Variants in ZNF385B observed in about 807,000 individuals in gnomAD.
ZNF385B encodes the protein zinc finger protein 533.
In ZNF385B, 23 loss-of-function variants were observed where a neutral mutation model predicts 39.2. The observed-to-expected ratio is 0.59, with a 90% CI of 0.42 to 0.83. ZNF385B has a LOEUF of 0.83. Among genes scored for constraint, ZNF385B ranks in the 40% least tolerant of loss-of-function variants. The probability of loss-of-function intolerance (pLI) is 0.00; values close to 1 mark genes in which losing one functional copy is unlikely to be tolerated. For missense variants in ZNF385B, 552 were observed against 598.9 expected (o/e 0.92, Z 0.82); for synonymous variants, 205 against 222.6 (o/e 0.92, Z 0.70).
intron 3 of ZNF385B, among the ~76,000 whole-genome samples, chr2:179,569,051 A>G (rs535500413): frequency 6.6e-6 from 1 of 152,254 alleles, no homozygotes; most frequent in African/African-American, 2.4e-5. Flanking sequence ...AATTCACCCA[A>G]TTTTCAAATT....
At chr2:179,614,271 G>A (rs755594231) in intron 3 of ZNF385B, among the ~76,000 whole-genome samples, 8 of 151,904 alleles carry the variant, frequency 5.3e-5, no homozygotes, top group Non-Finnish European at 5.9e-5. Context: ...AGCAACTGAC[G>A]AGGGCTTCTA....
intron 3 of ZNF385B, among the ~76,000 whole-genome samples, chr2:179,560,320 ATTTGT>A (rs1284292404): frequency 3.9e-5 from 6 of 152,172 alleles, no homozygotes; most frequent in Admixed American, 2.6e-4. Flanking sequence ...CTTTTAAAAC[ATTTGT>A]TTTAACTATT....
chr2:179,664,374 T>C (rs1224634603), intron 3 of ZNF385B, among the ~76,000 whole-genome samples: 1 of 152,168 alleles, frequency 6.6e-6, no homozygotes, highest in African/African-American at 2.4e-5. Flanking sequence ...GGTGAAATTA[T>C]GCTTAACTGA....
At chr2:179,735,697 C>A (rs1262871789) in intron 3 of ZNF385B, among the ~76,000 whole-genome samples, 3 of 148,164 alleles carry the variant, frequency 2.0e-5, no homozygotes, top group Non-Finnish European at 4.5e-5. Flanking sequence ...GAATACTATG[C>A]AGCCATAAAA....
At position 179,493,773 on chromosome 2, in the gene ZNF385B, A is replaced by ATACATATATGTATACATATG. The variant is rs1553572737; in HGVS notation, c.553-10340_553-10339insCATATGTATACATATATGTA. Among the ~76,000 whole-genome samples the ATACATATATGTATACATATG allele has an allele frequency of 4.1e-5, 3 of 73,940 alleles. No individual in the cohort carries two copies. The East Asian group carries it at 1.0e-3, about 26-fold the overall frequency. 48.5% of individuals were successfully genotyped at this position (73,940 alleles called of 152,430 possible). A position where few individuals can be genotyped will look rare whatever the true frequency, so the allele number is the denominator to read the frequency against. ...TGTATATACATATATGTATACATAT[A>ATACATATATGTATACATATG]TGTATATACACATATGTATACATAT... On this transcript the variant is annotated intron_variant, in intron 5 of 9. Transcript: ENST00000410066.
chr2:179,805,081 T>C (rs7588035), intron 1 of ZNF385B, among the ~76,000 whole-genome samples: 52,948 of 152,032 alleles, frequency 0.35, 9,591 homozygotes, highest in Non-Finnish European at 0.38. Context: ...GTGAAAGTGA[T>C]ATCCTGGAAC....
At chr2:179,454,885 A>G (rs1014604054) in intron 6 of ZNF385B, among the ~76,000 whole-genome samples, 4 of 152,260 alleles carry the variant, frequency 2.6e-5, no homozygotes, top group Admixed American at 2.0e-4. Context: ...TTTGGAGTTT[A>G]TAAAGTAAAA....
intron 3 of ZNF385B, among the ~76,000 whole-genome samples, chr2:179,611,875 T>C (rs758548478): frequency 1.3e-5 from 2 of 152,118 alleles, no homozygotes; most frequent in Non-Finnish European, 2.9e-5. Context: ...TTGTAATGTC[T>C]CCTTTTCCAC....
intron 5 of ZNF385B, among the ~76,000 whole-genome samples, chr2:179,507,629 C>G (rs1346306205): frequency 6.6e-6 from 1 of 151,930 alleles, no homozygotes; most frequent in East Asian, 1.9e-4. Flanking sequence ...GTTTTGTTTC[C>G]CTAGCTAGAT....
At chr2:179,464,148 T>C (rs960049349) in intron 6 of ZNF385B, among the ~76,000 whole-genome samples, 1 of 152,230 alleles carries the variant, frequency 6.6e-6, no homozygotes, top group African/African-American at 2.4e-5. Context: ...ATAAATGACT[T>C]CTTTTGAGAA....
chr2:179,707,121 GGGGGTAACCCCATAAGA>G (rs1699660769), intron 3 of ZNF385B, among the ~76,000 whole-genome samples: 1 of 152,206 alleles, frequency 6.6e-6, no homozygotes, highest in African/African-American at 2.4e-5. Flanking sequence ...TGCACTTACA[GGGGGTAACCCCATAAGA>G]CTTGCCCGCA....
chr2:179,682,966 T>A (rs1269426077), intron 3 of ZNF385B, among the ~76,000 whole-genome samples: 3 of 152,184 alleles, frequency 2.0e-5, no homozygotes, highest in African/African-American at 7.2e-5. Context: ...TCAGTTTCTC[T>A]TTTTGAATGT....
intron 3 of ZNF385B, among the ~76,000 whole-genome samples, chr2:179,658,558 C>G (rs1694067635): frequency 6.6e-6 from 1 of 152,150 alleles, no homozygotes; most frequent in African/African-American, 2.4e-5. Flanking sequence ...GACTAGTACT[C>G]TTCTTTACTT....
chr2:179,460,123 A>G (rs576286611), intron 6 of ZNF385B, among the ~76,000 whole-genome samples: 1 of 152,124 alleles, frequency 6.6e-6, no homozygotes, highest in African/African-American at 2.4e-5. Flanking sequence ...AGAAAAGAAA[A>G]GAAAAAAAAA....
At chr2:179,636,974 T>C (rs1216062966) in intron 3 of ZNF385B, among the ~76,000 whole-genome samples, 1 of 152,156 alleles carries the variant, frequency 6.6e-6, no homozygotes, top group Non-Finnish European at 1.5e-5. Context: ...TCTATATAAA[T>C]ATATCTAGCC....
At chr2:179,486,414 C>T (rs2054573142) in intron 5 of ZNF385B, among the ~76,000 whole-genome samples, 1 of 152,030 alleles carries the variant, frequency 6.6e-6, no homozygotes, top group East Asian at 1.9e-4. Flanking sequence ...ATTATATACC[C>T]ACATTATACA....
At chr2:179,511,351 G>T (rs191351999) in intron 5 of ZNF385B, among the ~76,000 whole-genome samples, 2 of 152,274 alleles carry the variant, frequency 1.3e-5, no homozygotes, top group Admixed American at 1.3e-4. Flanking sequence ...GGGGAAGTTT[G>T]TTCAGGCAAG....
rs114674857 is a variant in ZNF385B, at chr2:179,622,459, T to C, written c.299-77490A>G. Among the ~76,000 whole-genome samples, 1,279 of 152,268 alleles carry C rather than the reference T, an allele frequency of 8.4e-3. 18 individuals carry two copies. Among genetic ancestry groups the C allele is most frequent in the African/African-American group, 0.03 (1,230 of 41,550 alleles). On this transcript the variant is annotated intron_variant, in intron 3 of 9. Transcript: ENST00000410066. ...ACTGGAAAATCCCTAAGAAAAATCT[T>C]CCTGGAATAACTCAGAGAGGTAACA...
chr2:179,770,432 CA>C (rs374304388), intron 2 of ZNF385B, 88 bp downstream of exon 2: 3 of 152,486 alleles, frequency 2.0e-5, no homozygotes, highest in African/African-American at 7.2e-5. Context: ...TATATACAAT[CA>C]GCATACACCT....
Sources: allele counts gnomAD v4.1 joint callset (sites outside exome capture counted in the v4.1 genomes callset), GRCh38; gene constraint gnomAD v4.1.1; transcripts MANE v1.5; gene names NCBI Gene and HGNC (gene_info 2026-07-23, HGNC 2026-07-21).